Variants in KCNJ6 observed in about 807,000 individuals in gnomAD.
KCNJ6 encodes the protein G protein-activated inward rectifier potassium channel 2.
In KCNJ6, 9 loss-of-function variants were observed where a neutral mutation model predicts 34.2. That is an observed-to-expected ratio of 0.26 (90% CI 0.16 to 0.46). The LOEUF (loss-of-function observed/expected upper bound fraction) is 0.46. KCNJ6 is among the 20% of genes least tolerant of loss of function. The pLI, the probability that KCNJ6 is intolerant of heterozygous loss-of-function variation, is 1.00. For missense variants in KCNJ6, 236 were observed against 531.3 expected (o/e 0.44, Z 5.46); for synonymous variants, 196 against 207.1 (o/e 0.95, Z 0.46).
intron 3 of KCNJ6, among the ~76,000 whole-genome samples, chr21:37,629,933 T>C (rs1569432943): frequency 6.6e-6 from 1 of 152,222 alleles, no homozygotes; most frequent in Non-Finnish European, 1.5e-5. Flanking sequence ...AGAATATTAA[T>C]GTTTGCCTAT....
At chr21:37,727,589 A>G (rs1193105306) in intron 2 of KCNJ6, among the ~76,000 whole-genome samples, 2 of 152,110 alleles carry the variant, frequency 1.3e-5, no homozygotes, top group African/African-American at 4.8e-5. Context: ...TTGATGTTAT[A>G]AGGAAGAGGG....
chr21:37,761,550 ATG>A (rs1269555930), intron 2 of KCNJ6, among the ~76,000 whole-genome samples: 3 of 121,002 alleles, frequency 2.5e-5, no homozygotes, highest in South Asian at 2.6e-4. Context: ...TGTGTGTGGT[ATG>A]TGTGTATGTG....
intron 2 of KCNJ6, among the ~76,000 whole-genome samples, chr21:37,761,562 G>A (rs1005853498): frequency 6.7e-6 from 1 of 149,848 alleles, no homozygotes; most frequent in African/African-American, 2.5e-5. Flanking sequence ...GTGTGTATGT[G>A]TTGTGTGTAT....
chr21:37,687,171 C>G (rs2054619386), intron 3 of KCNJ6, among the ~76,000 whole-genome samples: 1 of 152,028 alleles, frequency 6.6e-6, no homozygotes, highest in South Asian at 2.1e-4. Flanking sequence ...GCCTCTTAAC[C>G]TGGGCCTCTT....
Position 37,622,685 on chromosome 21 carries a change from G to A in KCNJ6, c.*2474C>T, listed in dbSNP as rs1333669318. The stretch of plus-strand genomic sequence containing the variant: ...GCCCGTCACAGACACAGAACTGACA[G>A]GTGCACGTGGCCAACGTGTTGTCAA... On this transcript the variant is annotated 3_prime_UTR_variant, in exon 4 of 4. Coordinates refer to ENST00000609713, the MANE Select transcript of KCNJ6 (RefSeq NM_002240.5). 1 of 152,172 alleles carries A rather than the reference G, an allele frequency of 6.6e-6. No homozygotes were observed. Among genetic ancestry groups the A allele is most frequent in the African/African-American group, 2.4e-5 (1 of 41,436 alleles). 9.4% of individuals were successfully genotyped at this position (152,172 alleles called of 1,614,324 possible). A position where few individuals can be genotyped will look rare whatever the true frequency, so the allele number is the denominator to read the frequency against.
At chr21:37,738,692 A>G (rs1351186958) in intron 2 of KCNJ6, among the ~76,000 whole-genome samples, 1 of 152,180 alleles carries the variant, frequency 6.6e-6, no homozygotes, top group African/African-American at 2.4e-5. Flanking sequence ...CCTTTCCCTG[A>G]GCCCCAAGAA....
At position 37,719,615 on chromosome 21, in the gene KCNJ6, G is replaced by A. The variant is rs1014952167; in HGVS notation, c.26-4484C>T. 3 of 152,220 alleles carry A rather than the reference G, an allele frequency of 2.0e-5. 1 individual carries two copies. The highest frequency in any genetic ancestry group is 2.0e-4 in the Admixed American group (3 of 15,290). The allele number at this position is 152,220 out of a possible 1,614,324, so 9.4% of individuals were successfully genotyped here. Reference sequence around the variant, plus strand: ...CTTGACTTTGAGAGTAGCTTTTCAGGATTTTGGCTCAGAGTAAATGTGGGC... The same window carrying A: ...CTTGACTTTGAGAGTAGCTTTTCAGAATTTTGGCTCAGAGTAAATGTGGGC... On this transcript the variant is annotated intron_variant, in intron 2 of 3. Transcript: ENST00000609713.
At chr21:37,693,399 A>G (rs1254093824) in intron 3 of KCNJ6, among the ~76,000 whole-genome samples, 1 of 152,224 alleles carries the variant, frequency 6.6e-6, no homozygotes, top group East Asian at 1.9e-4. Context: ...GTATGCAGGA[A>G]TGAACCACGG....
At chr21:37,726,415 C>G (rs773971267) in intron 2 of KCNJ6, among the ~76,000 whole-genome samples, 29 of 151,932 alleles carry the variant, frequency 1.9e-4, no homozygotes, top group Non-Finnish European at 4.1e-4. Context: ...AGAGCTCAGG[C>G]CCTGGAAAAA....
chr21:37,765,808 G>C (rs2055087914), intron 2 of KCNJ6, among the ~76,000 whole-genome samples: 1 of 152,190 alleles, frequency 6.6e-6, no homozygotes, highest in Non-Finnish European at 1.5e-5. Context: ...AAATGAAGAT[G>C]TCAATCACTA....
intron 2 of KCNJ6, among the ~76,000 whole-genome samples, chr21:37,830,088 C>A (rs147508997): frequency 6.6e-6 from 1 of 152,178 alleles, no homozygotes; most frequent in Non-Finnish European, 1.5e-5. Context: ...ATTTCCAACT[C>A]CCCGACAACA....
chr21:37,834,438 A>G (rs547392293), intron 2 of KCNJ6, among the ~76,000 whole-genome samples: 1 of 152,312 alleles, frequency 6.6e-6, no homozygotes, highest in South Asian at 2.1e-4. Flanking sequence ...CGTGGCCTGC[A>G]CCTGCAAGCT....
chr21:37,678,192 G>A (rs1415335674), intron 3 of KCNJ6, among the ~76,000 whole-genome samples: 5 of 152,182 alleles, frequency 3.3e-5, no homozygotes, highest in Admixed American at 3.3e-4. Context: ...GCAGGGCAGT[G>A]GGGTCAGTAA....
intron 1 of KCNJ6, among the ~76,000 whole-genome samples, chr21:37,903,142 A>G (rs1001642952): frequency 7.9e-5 from 12 of 152,116 alleles, no homozygotes; most frequent in Non-Finnish European, 1.5e-5. Flanking sequence ...TTTTCTCATG[A>G]TATGATTTGG....
chr21:37,855,952 T>C (rs925533532), intron 1 of KCNJ6, among the ~76,000 whole-genome samples: 7 of 152,184 alleles, frequency 4.6e-5, no homozygotes, highest in African/African-American at 1.7e-4. Flanking sequence ...CTGTTCAGCC[T>C]CCCTGTCCCA....
chr21:37,658,812 C>T lies in KCNJ6; in HGVS notation c.947-33328G>A, dbSNP rs183284589. Among the ~76,000 whole-genome samples the T allele has an allele frequency of 7.9e-5, 12 of 152,302 alleles. No individual in the cohort carries two copies. In the East Asian group the frequency reaches 2.1e-3, roughly 27 times the overall value. On this transcript the variant is annotated intron_variant, in intron 3 of 3. Coordinates refer to ENST00000609713, the MANE Select transcript of KCNJ6 (RefSeq NM_002240.5). ...CTTTGCCCCAGGCCATTCAGCTGGC[C>T]AGTAGCGGAGCCCAGGGCTACCCAG... is the stretch of plus-strand genomic sequence containing the variant.
intron 1 of KCNJ6, among the ~76,000 whole-genome samples, chr21:37,900,526 G>T (rs768580608): frequency 6.6e-6 from 1 of 152,206 alleles, no homozygotes; most frequent in African/African-American, 2.4e-5. Flanking sequence ...TTTGCGTGGC[G>T]TGTTAGAAGG....
chr21:37,767,783 C>G (rs2055098626), intron 2 of KCNJ6, among the ~76,000 whole-genome samples: 1 of 152,046 alleles, frequency 6.6e-6, no homozygotes, highest in Admixed American at 6.6e-5. Flanking sequence ...TTTTTCTCTC[C>G]CTCCAATAGT....
chr21:37,910,322 C>G (rs117835910), intron 1 of KCNJ6, among the ~76,000 whole-genome samples: 1 of 152,264 alleles, frequency 6.6e-6, no homozygotes, highest in East Asian at 1.9e-4. Context: ...GCCTACCAAG[C>G]ACATTGTCAA....
Sources: allele counts gnomAD v4.1 joint callset (sites outside exome capture counted in the v4.1 genomes callset), GRCh38; gene constraint gnomAD v4.1.1; transcripts MANE v1.5; gene names NCBI Gene and HGNC (gene_info 2026-07-23, HGNC 2026-07-21).